Variants in GOLGA7B observed in about 807,000 individuals in gnomAD.
The protein encoded by GOLGA7B is golgin subfamily A member 7B.
In GOLGA7B, 17 loss-of-function variants were observed where a neutral mutation model predicts 21.5. That is an observed-to-expected ratio of 0.79 (90% CI 0.54 to 1.19). The LOEUF (loss-of-function observed/expected upper bound fraction) is 1.19. Among genes scored for constraint, GOLGA7B ranks in the 50% most tolerant of loss-of-function variants. The pLI is 0.00. For missense variants in GOLGA7B, 169 were observed against 224.4 expected (o/e 0.75, Z 1.58); for synonymous variants, 87 against 84.0 (o/e 1.04, Z -0.19).
At chr10:97,850,642 C>CGT (rs1453234635) in intron 1 of GOLGA7B, among the ~76,000 whole-genome samples, 1 of 152,082 alleles carries the variant, frequency 6.6e-6, no homozygotes, top group African/African-American at 2.4e-5. Context: ...GTTGGAGACG[C>CGT]GTGTGTGTGC....
Position 97,859,594 on chromosome 10 carries a change from CT to C in GOLGA7B, c.138+16del. The C allele has an allele frequency of 1.2e-6, 2 of 1,613,048 alleles. No homozygotes were observed. Among genetic ancestry groups the C allele is most frequent in the Non-Finnish European group, 1.7e-6 (2 of 1,179,358 alleles). ...GAGCTGGACAGCCGGGTAAGGATGC[CT>C]TTTTCTGCACTTGGAACCCAGGGCT... On this transcript the variant is annotated intron_variant, in intron 2 of 4. Coordinates refer to ENST00000370602, the MANE Select transcript of GOLGA7B (RefSeq NM_001010917.3).
chr10:97,865,145 T>C (rs1419928228), intron 4 of GOLGA7B: 1 of 165,820 alleles, frequency 6.0e-6, no homozygotes, highest in African/African-American at 2.4e-5. Context: ...ATTTTGCAGA[T>C]GCGATAATGG....
At chr10:97,863,379 AAC>A (rs1442937184) in intron 2 of GOLGA7B, among the ~76,000 whole-genome samples, 3 of 152,302 alleles carry the variant, frequency 2.0e-5, no homozygotes, top group East Asian at 3.9e-4. Context: ...CAGGTGTCCA[AAC>A]ACACAGGGTG....
In GOLGA7B at chr10:97,870,655, C is replaced by T. The variant is rs1266636074; in HGVS notation, c.*4955C>T. The T allele has an allele frequency of 6.6e-6, 1 of 152,182 alleles. No individual in the cohort carries two copies. The highest frequency in any genetic ancestry group is 1.9e-4 in the East Asian group (1 of 5,204). The allele number at this position is 152,182 out of a possible 1,614,324, so 9.4% of individuals were successfully genotyped here. On this transcript the variant is annotated 3_prime_UTR_variant, in exon 5 of 5. Transcript: ENST00000370602. ...GGCTACAAAATAGGAAAAGAAAGGA[C>T]ACACTTGAAATTAACGTTTTGTTAA...
intron 1 of GOLGA7B, among the ~76,000 whole-genome samples, chr10:97,851,550 G>T (rs1038039548): frequency 1.3e-5 from 2 of 152,200 alleles, no homozygotes; most frequent in African/African-American, 2.4e-5. Context: ...TAGAGTAGAG[G>T]AATGCAGAGT....
chr10:97,856,897 A>G (rs1031470805), intron 1 of GOLGA7B, among the ~76,000 whole-genome samples: 3 of 152,088 alleles, frequency 2.0e-5, no homozygotes, highest in Middle Eastern at 3.4e-3. Flanking sequence ...ATGTCTGTTC[A>G]TGTCCTTTGC....
Position 97,859,437 on chromosome 10 carries a change from GC to G in GOLGA7B, c.13-19del, listed in dbSNP as rs1235776782. The G allele has an allele frequency of 1.9e-6, 3 of 1,613,046 alleles. No individual in the cohort carries two copies. The highest frequency in any genetic ancestry group is 2.5e-6 in the Non-Finnish European group (3 of 1,179,484). ...AGATGGATGGTCACTCTCAGCACAT[GC>G]CGCCCGCACGTCTCCTCAGGTCCAC... On this transcript the variant is annotated intron_variant, in intron 1 of 4. Coordinates refer to ENST00000370602, the MANE Select transcript of GOLGA7B (RefSeq NM_001010917.3).
chr10:97,854,125 G>A (rs115149900), intron 1 of GOLGA7B, among the ~76,000 whole-genome samples: 2,839 of 152,296 alleles, frequency 0.019, 95 homozygotes, highest in African/African-American at 0.063. Flanking sequence ...TCCTTGAGAT[G>A]GGGCACCAGT....
Position 97,867,590 on chromosome 10 carries a change from A to ACCGCAGC in GOLGA7B, c.*1893_*1899dup, listed in dbSNP as rs1362878363. On this transcript the variant is annotated 3_prime_UTR_variant, in exon 5 of 5. Transcript: ENST00000370602. ...GGAGAGCCGCAGTTCAGTGGGCTCC[A>ACCGCAGC]CCGCAGCCCCTGGCCACGGCCTATG... 6.6e-6 allele frequency: 1 copy of ACCGCAGC among 152,250 alleles called. No individual in the cohort carries two copies. The highest frequency in any genetic ancestry group is 1.5e-5 in the Non-Finnish European group (1 of 68,176). The allele number at this position is 152,250 out of a possible 1,614,324, so 9.4% of individuals were successfully genotyped here. A position where few individuals can be genotyped will look rare whatever the true frequency, so the allele number is the denominator to read the frequency against.
At position 97,864,339 on chromosome 10, in the gene GOLGA7B, CA is replaced by C. The variant is rs2049995747; in HGVS notation, c.393+71del. On this transcript the variant is annotated intron_variant, in intron 4 of 4. Coordinates refer to ENST00000370602, the MANE Select transcript of GOLGA7B (RefSeq NM_001010917.3). ...CCAGTAGAGATCCTGGTGAGGCTGC[CA>C]GGAAACGAGGCCACCTTAGGGGCCT... 5.1e-6 allele frequency: 7 copies of C among 1,385,862 alleles called. No individual in the cohort carries two copies. In the South Asian group the frequency reaches 8.3e-5, roughly 16 times the overall value. The allele number at this position is 1,385,862 out of a possible 1,614,324, so 85.8% of individuals were successfully genotyped here. A position where few individuals can be genotyped will look rare whatever the true frequency, so the allele number is the denominator to read the frequency against.
chr10:97,865,671 G>A lies in GOLGA7B; in HGVS notation c.475G>A (p.Gly159Ser), dbSNP rs759330644. The A allele has an allele frequency of 6.8e-6, 11 of 1,607,450 alleles. No homozygotes were observed. Among genetic ancestry groups the A allele is most frequent in the Non-Finnish European group, 4.2e-6 (5 of 1,177,028 alleles). The change falls in exon 5 of 5, where the codon GGT (glycine) becomes AGT (serine). Residue 159 changes from glycine to serine, a missense_variant. Physicochemically the swap from Gly to Ser is moderately conservative, Grantham distance 56 (BLOSUM62 0). Coordinates refer to ENST00000370602, the MANE Select transcript of GOLGA7B (RefSeq NM_001010917.3). ...CAGCAGCGGCAGTGGCAGCAGCAGC[G>A]GTGGGGGTGGTGGGGCGGGGGCCCG... is the stretch of plus-strand genomic sequence containing the variant. ...GSSSGSGSSS[G>S]GGGGAGAR is the part of the protein sequence containing the mutation.
In GOLGA7B at chr10:97,864,003, G is replaced by A. The variant is rs1258830973; in HGVS notation, c.212G>A (p.Gly71Asp). 6.2e-7 allele frequency: 1 copy of A among 1,614,068 alleles called. No individual in the cohort carries two copies. The highest frequency in any genetic ancestry group is 1.3e-5 in the African/African-American group (1 of 74,946). ...GFYAEAEKIG[G>D]SSYLEGCLAC... ...TACGCAGAGGCTGAGAAGATTGGGG[G>A]CAGCTCCTACCTCGAGGGCTGCCTG... The change falls in exon 3 of 5, where the codon GGC becomes GAC. Residue 71 changes from glycine to aspartate, a missense_variant. Gly to Asp is a moderately conservative substitution (Grantham distance 94, BLOSUM62 -1). Coordinates refer to ENST00000370602, the MANE Select transcript of GOLGA7B (RefSeq NM_001010917.3).
rs993002971 is a variant in GOLGA7B at position 97,850,270 on chromosome 10, C to T, written c.-34C>T. On this transcript the variant is annotated 5_prime_UTR_variant, in exon 1 of 5. Coordinates refer to ENST00000370602, the MANE Select transcript of GOLGA7B (RefSeq NM_001010917.3). ...CAGCACCGCGGAGACCCCCCTCGCC[C>T]GGCCCCGCGACAGCCTCCGAGCGCC... is the stretch of plus-strand genomic sequence containing the variant. The T allele has an allele frequency of 1.0e-5, 15 of 1,467,948 alleles. No homozygotes were observed. The African/African-American group carries it at 1.9e-4, about 19-fold the overall frequency. The allele number at this position is 1,467,948 out of a possible 1,614,324, so 90.9% of individuals were successfully genotyped here.
At chr10:97,861,532 C>G (rs983557679) in intron 2 of GOLGA7B, among the ~76,000 whole-genome samples, 2 of 152,246 alleles carry the variant, frequency 1.3e-5, no homozygotes, top group African/African-American at 2.4e-5. Context: ...CTAGACTCAG[C>G]TAGTTGGGTG....
Position 97,850,335 on chromosome 10 carries a change from C to T in GOLGA7B, c.12+20C>T. On this transcript the variant is annotated intron_variant, in intron 1 of 4. Transcript: ENST00000370602. ...ACCGAGGTAGGGGCGAGCGCCCCAC[C>T]CGCAGGCAGTGCCCGATTGCCGCGG... The T allele has an allele frequency of 6.6e-7, 1 of 1,512,396 alleles. No individual in the cohort carries two copies. Among genetic ancestry groups the T allele is most frequent in the Non-Finnish European group, 8.8e-7 (1 of 1,130,538 alleles). The allele number at this position is 1,512,396 out of a possible 1,614,324, so 93.7% of individuals were successfully genotyped here. A position where few individuals can be genotyped will look rare whatever the true frequency, so the allele number is the denominator to read the frequency against.
At position 97,864,035 on chromosome 10, in the gene GOLGA7B, G is replaced by C; in HGVS notation, c.244G>C (p.Ala82Pro). 1 of 1,614,154 alleles carries C rather than the reference G, an allele frequency of 6.2e-7. No individual in the cohort carries two copies. Among genetic ancestry groups the C allele is most frequent in the Non-Finnish European group, 8.5e-7 (1 of 1,180,012 alleles). The part of the protein sequence containing the change: ...SSYLEGCLAC[A>P]TAYFIFLCME... ...CTACCTCGAGGGCTGCCTGGCCTGC[G>C]CCACGGCCTACTTCATCTTCCTCTG... Residue 82 changes from alanine (A) to proline (P), a missense_variant, in exon 3 of 5, where the codon GCC becomes CCC. Ala to Pro is a conservative substitution (Grantham distance 27). Coordinates refer to ENST00000370602, the MANE Select transcript of GOLGA7B (RefSeq NM_001010917.3).
intron 4 of GOLGA7B, 178 bp from the exon 5 acceptor site, chr10:97,865,412 T>G (rs889897106): frequency 1.1e-4 from 113 of 1,062,026 alleles, no homozygotes; most frequent in Non-Finnish European, 1.4e-4. Context: ...AATTGTTAGC[T>G]AAGTAATGTG....
intron 1 of GOLGA7B, among the ~76,000 whole-genome samples, chr10:97,856,053 T>G (rs1367454818): frequency 6.6e-6 from 1 of 152,266 alleles, no homozygotes; most frequent in Non-Finnish European, 1.5e-5. Flanking sequence ...AGTTATTTAT[T>G]ATTTCCCAAG....
chr10:97,865,981 C>T lies in GOLGA7B; in HGVS notation c.*281C>T. The T allele has an allele frequency of 2.2e-6, 1 of 452,748 alleles. No individual in the cohort carries two copies. 28.0% of individuals were successfully genotyped at this position (452,748 alleles called of 1,614,324 possible). On this transcript the variant is annotated 3_prime_UTR_variant, in exon 5 of 5. Coordinates refer to ENST00000370602, the MANE Select transcript of GOLGA7B (RefSeq NM_001010917.3). ...ACAGAGACAGATCTTCCTAGGAAGG[C>T]TGGGGTGGGGAGAACACAACCTAGG...
Sources: allele counts gnomAD v4.1 joint callset (sites outside exome capture counted in the v4.1 genomes callset), GRCh38; gene constraint gnomAD v4.1.1; transcripts MANE v1.5; gene names NCBI Gene and HGNC (gene_info 2026-07-23, HGNC 2026-07-21).